The following KNTC1 variants were observed in gnomAD, a reference collection of about 807,000 sequenced individuals.
KNTC1 encodes kinetochore associated 1, also known as kinetochore-associated protein 1.
KNTC1 carries 253 observed loss-of-function variants against 314.4 expected under a neutral mutation model. That is an observed-to-expected ratio of 0.80 (90% CI 0.73 to 0.89). The LOEUF is 0.89. Among genes scored for constraint, KNTC1 ranks in the 40% least tolerant of loss-of-function variants. The pLI, the probability that KNTC1 is intolerant of heterozygous loss-of-function variation, is 0.00. For missense variants in KNTC1, 2,475 were observed against 2,572.9 expected, an observed-to-expected ratio of 0.96 and a Z score of 0.82; for synonymous variants, 901 against 901.4, an observed-to-expected ratio of 1.00 and a Z score of 0.01.
chr12:122,620,291 C>A, intron 59 of KNTC1, 188 bp from the exon 60 acceptor site: 1 of 409,634 alleles, frequency 2.4e-6, no homozygotes, highest in South Asian at 4.1e-5. Flanking sequence ...TGGGTAAATT[C>A]TTTTATTCTG....
intron 55 of KNTC1, 145 bp from the exon 56 acceptor site, chr12:122,614,846 A>C (rs1471573128): frequency 3.9e-6 from 2 of 519,164 alleles, no homozygotes; most frequent in East Asian, 3.6e-5. Flanking sequence ...ATGCCACTGC[A>C]CTCCAGCCTG....
chr12:122,620,491 A>T lies in KNTC1; in HGVS notation c.6162A>T (p.Ser2054=). 1 of 1,612,910 alleles carries T rather than the reference A, an allele frequency of 6.2e-7. No homozygotes were observed. The change falls in exon 60 of 64, where the codon TCA becomes TCT. Residue 2054 remains serine (S), a synonymous_variant. Coordinates refer to ENST00000333479, the MANE Select transcript of KNTC1 (RefSeq NM_014708.6). Reference sequence around the variant, plus strand: ...TTCTCTCTCGAAGATGTCCAGTCTCAGGTGATCTTGACCTGATCGGAGTCG... The same window carrying T: ...TTCTCTCTCGAAGATGTCCAGTCTCTGGTGATCTTGACCTGATCGGAGTCG... ...SLIAVLECPV[S]GDLDLIGVAR...
At position 122,588,832 on chromosome 12, in the gene KNTC1, G is replaced by T. The variant is rs1159378844; in HGVS notation, c.3999+16G>T. The stretch of plus-strand genomic sequence containing the variant: ...ACTGCACAAAGTAAGTATTTGTTCT[G>T]GGTAAAAATTTTGTTTGTTTTTTTT... On this transcript the variant is annotated intron_variant, in intron 40 of 63. Transcript: ENST00000333479. 2.0e-6 allele frequency: 3 copies of T among 1,476,478 alleles called. No homozygotes were observed. The highest frequency in any genetic ancestry group is 2.5e-5 in the East Asian group (1 of 40,126). The allele number at this position is 1,476,478 out of a possible 1,614,324, so 91.5% of individuals were successfully genotyped here.
chr12:122,612,981 C>A (rs10744294), intron 53 of KNTC1, 131 bp from the exon 54 acceptor site: 169,742 of 639,230 alleles, frequency 0.27, 24,882 homozygotes, highest in East Asian at 0.47. Flanking sequence ...ACACACAGTG[C>A]GTTCCGTAAC....
intron 33 of KNTC1, among the ~76,000 whole-genome samples, chr12:122,581,240 C>T (rs1965407165): frequency 6.7e-6 from 1 of 149,158 alleles, no homozygotes; most frequent in African/African-American, 2.5e-5. Flanking sequence ...CTCTTGTTGC[C>T]CAGGCTGGAG....
At chr12:122,576,151 C>G (rs895758389) in intron 29 of KNTC1, among the ~76,000 whole-genome samples, 4 of 152,126 alleles carry the variant, frequency 2.6e-5, no homozygotes, top group Non-Finnish European at 5.9e-5. Context: ...CCTCCGCCTT[C>G]TGGGTTCAAG....
At chr12:122,619,031 GTT>G (rs1874104231) in intron 59 of KNTC1, among the ~76,000 whole-genome samples, 1 of 126,318 alleles carries the variant, frequency 7.9e-6, no homozygotes, top group Non-Finnish European at 1.8e-5. Flanking sequence ...CACTTGTTTT[GTT>G]TTTTGTTTTT....
At chr12:122,580,067 C>G (rs769120951) in intron 32 of KNTC1, 90 bp downstream of exon 32, 1 of 808,150 alleles carries the variant, frequency 1.2e-6, no homozygotes, top group Non-Finnish European at 2.0e-6. Context: ...TCACCGTACC[C>G]GCAGTTTTTC....
At chr12:122,539,228 A>G (rs918327145) in intron 4 of KNTC1, among the ~76,000 whole-genome samples, 6 of 152,160 alleles carry the variant, frequency 3.9e-5, no homozygotes, top group African/African-American at 1.4e-4. Context: ...GGGAGGCAGG[A>G]AGGTAGAGGA....
rs758003249 is a variant in KNTC1, at chr12:122,584,278, C to T, written c.3264C>T (p.Ser1088=). The T allele has an allele frequency of 8.7e-6, 14 of 1,601,540 alleles. No homozygotes were observed. Among genetic ancestry groups the T allele is most frequent in the East Asian group, 4.5e-5 (2 of 44,630 alleles). ...TACCAATACTTTCTTTCTTCCAAAG[C>T]GACTTGTTTAAGTATCACTGCAATG... ...GNIKTALKKC[S]DLFKYHCNAD... The change falls in exon 35 of 64, where the codon AGC becomes AGT. Residue 1088 remains serine, a splice_region_variant and synonymous_variant. Transcript: ENST00000333479.
chr12:122,624,487 C>G, intron 62 of KNTC1, 111 bp from the exon 63 acceptor site: 1 of 649,944 alleles, frequency 1.5e-6, no homozygotes, highest in South Asian at 1.8e-5. Context: ...AGGCTAGTCT[C>G]AAACTCCTGG....
intron 20 of KNTC1, among the ~76,000 whole-genome samples, chr12:122,564,544 C>T (rs1156940241): frequency 6.6e-6 from 1 of 152,000 alleles, no homozygotes; most frequent in African/African-American, 2.4e-5. Flanking sequence ...CTTTGGGATG[C>T]CAAGGATACC....
At chr12:122,578,327 G>A (rs1028789069) in intron 31 of KNTC1, among the ~76,000 whole-genome samples, 1 of 151,586 alleles carries the variant, frequency 6.6e-6, no homozygotes, top group African/African-American at 2.4e-5. Flanking sequence ...GGCTGGTCTT[G>A]AACTCCTGAG....
intron 51 of KNTC1, among the ~76,000 whole-genome samples, chr12:122,606,446 G>A (rs1260043253): frequency 6.6e-6 from 1 of 151,898 alleles, no homozygotes; most frequent in Non-Finnish European, 1.5e-5. Context: ...TTGAACTCCC[G>A]ACCTCAGGTG....
chr12:122,577,551 A>T (rs1965110771), intron 30 of KNTC1, 121 bp from the exon 31 acceptor site: 1 of 1,002,254 alleles, frequency 1.0e-6, no homozygotes, highest in Middle Eastern at 2.9e-4. Context: ...TAAAACATTG[A>T]ACCATAATCT....
intron 57 of KNTC1, among the ~76,000 whole-genome samples, chr12:122,616,415 G>A (rs1300702950): frequency 4.6e-5 from 7 of 151,994 alleles, no homozygotes; most frequent in Middle Eastern, 3.4e-3. Flanking sequence ...GGCGCATGCC[G>A]CCACGCCCTG....
rs1964885348 is a variant in KNTC1 at position 122,574,313 on chromosome 12, C to T, written c.2315C>T (p.Thr772Ile). ...CTGAATAGATGCAGCTCAAAGTCCA[C>T]ATCACTCTTTGAAACAGCATGGGAA... is the stretch of plus-strand genomic sequence containing the variant. ...DLLNRCSSKS[T>I]SLFETAWEAK... is the part of the protein sequence containing the mutation. The change falls in exon 27 of 64, where the codon ACA (threonine) becomes ATA (isoleucine). Residue 772 changes from threonine to isoleucine, a missense_variant. Physicochemically the swap from Thr to Ile is moderately conservative, Grantham distance 89. Transcript: ENST00000333479. 6.2e-7 allele frequency: 1 copy of T among 1,610,662 alleles called. No individual in the cohort carries two copies. The highest frequency in any genetic ancestry group is 1.3e-5 in the African/African-American group (1 of 74,800).
At chr12:122,537,480 G>A (rs552321207) in intron 3 of KNTC1, among the ~76,000 whole-genome samples, 15 of 150,936 alleles carry the variant, frequency 9.9e-5, no homozygotes, top group African/African-American at 1.5e-4. Context: ...GTGCAGTGGC[G>A]TGATTTCAGC....
At position 122,612,477 on chromosome 12, in the gene KNTC1, T is replaced by A. The variant is rs370587018; in HGVS notation, c.5623-635T>A. On this transcript the variant is annotated intron_variant, in intron 53 of 63. Coordinates refer to ENST00000333479, the MANE Select transcript of KNTC1 (RefSeq NM_014708.6). The stretch of plus-strand genomic sequence containing the variant: ...TGTTGCCCAGGTTGGAGTAGTGCAG[T>A]GGCGCGATCTCAGCTCACTGCAACC... 3.9e-4 allele frequency among the ~76,000 whole-genome samples: 58 copies of A among 150,646 alleles called. No homozygotes were observed. In the East Asian group the frequency reaches 6.9e-3, roughly 18 times the overall value.
Sources: gnomAD v4.1 joint callset for allele counts (sites outside exome capture counted in the v4.1 genomes callset) on GRCh38, gnomAD v4.1.1 for gene constraint, MANE v1.5 for transcripts, NCBI Gene and HGNC (gene_info 2026-07-23, HGNC 2026-07-21) for gene names.